WDR44: variants seen among roughly 807,000 people sequenced by gnomAD.
The protein encoded by WDR44 is WD repeat domain 44, also known as WD repeat-containing protein 44.
In WDR44, 9 loss-of-function variants were observed where a neutral mutation model predicts 65.7. The ratio of observed to expected loss-of-function variants is 0.14; its 90% CI spans 0.08 to 0.24. The LOEUF is 0.24. WDR44 is among the 10% of genes least tolerant of loss of function. The probability of loss-of-function intolerance (pLI) is 1.00; values close to 1 mark genes in which losing one functional copy is unlikely to be tolerated. For synonymous variants in WDR44, 220 were observed against 235.2 expected (o/e 0.94, Z 0.59); for missense variants, 425 against 670.9 (o/e 0.63, Z 4.05).
intron 1 of WDR44, among the ~76,000 whole-genome samples, chrX:118,365,511 AAAAAAAGAAAAAAG>A (rs200823283): frequency 9.0e-6 from 1 of 110,714 alleles, no homozygotes; most frequent in Non-Finnish European, 1.9e-5. Context: ...TGTCTCCAAA[AAAAAAAGAAAAAAG>A]AAAAAAGAAA....
chrX:118,424,347 A>ATG (rs1283937753), intron 12 of WDR44, among the ~76,000 whole-genome samples: 1 of 86,622 alleles, frequency 1.2e-5, no homozygotes, highest in Non-Finnish European at 2.0e-5. Context: ...ATATATATAT[A>ATG]TGTATATATA....
chrX:118,365,686 T>C (rs1447416175), intron 1 of WDR44, among the ~76,000 whole-genome samples: 2 of 111,480 alleles, frequency 1.8e-5, no homozygotes, highest in African/African-American at 6.5e-5. Flanking sequence ...TAAAACCGGA[T>C]TTTTGTGTGT....
chrX:118,388,819 A>C (rs1460499709), intron 3 of WDR44, among the ~76,000 whole-genome samples: 1 of 111,760 alleles, frequency 8.9e-6, no homozygotes, highest in Non-Finnish European at 1.9e-5. Context: ...TGTAGGTAGA[A>C]TTTTATATTC....
intron 1 of WDR44, among the ~76,000 whole-genome samples, chrX:118,368,712 CTTTTT>C (rs57659623): frequency 0.21 from 14,904 of 70,042 alleles, 1,407 homozygotes; most frequent in African/African-American, 0.39. Context: ...CATACTCTTC[CTTTTT>C]TTTTTTTTTT....
intron 1 of WDR44, among the ~76,000 whole-genome samples, chrX:118,346,903 G>A (rs989077747): frequency 8.9e-6 from 1 of 111,796 alleles, no homozygotes; most frequent in African/African-American, 3.3e-5. Flanking sequence ...TGTATCTGTG[G>A]GGTTCTGAGC....
At chrX:118,416,605 A>G (rs1328013430) in intron 12 of WDR44, among the ~76,000 whole-genome samples, 3 of 111,616 alleles carry the variant, frequency 2.7e-5, no homozygotes, top group Admixed American at 9.6e-5. Context: ...ATGGCCTATC[A>G]TATGGTCTAT....
Position 118,393,283 on chromosome X carries a change from T to C in WDR44, c.826+12T>C, listed in dbSNP as rs1326909995. ...TCCTGATATAGATGGCAAGTATTAA[T>C]TGAGAAATCACTCTGTTGGTTGGGC... On this transcript the variant is annotated intron_variant, in intron 4 of 19. Coordinates refer to ENST00000254029, the MANE Select transcript of WDR44 (RefSeq NM_019045.5). The C allele has an allele frequency of 8.5e-6, 10 of 1,174,268 alleles. No individual in the cohort carries two copies. Among genetic ancestry groups the C allele is most frequent in the South Asian group, 3.8e-5 (2 of 52,480 alleles).
In WDR44 at chrX:118,395,231, A is replaced by C; in HGVS notation, c.958-18A>C. The C allele has an allele frequency of 8.4e-7, 1 of 1,189,029 alleles. No individual in the cohort carries two copies. The highest frequency in any genetic ancestry group is 1.1e-6 in the Non-Finnish European group (1 of 878,155). On this transcript the variant is annotated intron_variant, in intron 5 of 19. Transcript: ENST00000254029. ...AATTGATTCAGTCTAATTTCTGTTT[A>C]TAAAATTATATTTCCAGGAAAATGG...
At chrX:118,438,556 CCAGGTAGCTGGGACTA>C (rs2057274081) in intron 14 of WDR44, among the ~76,000 whole-genome samples, 1 of 110,627 alleles carries the variant, frequency 9.0e-6, no homozygotes, top group East Asian at 2.8e-4. Context: ...CCTCAGCTCC[CCAGGTAGCTGGGACTA>C]CAGGCATGCA....
chrX:118,378,303 C>T (rs2056680430), intron 1 of WDR44, 116 bp from the exon 2 acceptor site: 1 of 616,981 alleles, frequency 1.6e-6, no homozygotes, highest in East Asian at 3.5e-5. Flanking sequence ...CAAGACTTTT[C>T]AGTCACAAAA....
At chrX:118,440,295 C>T (rs2057293984) in intron 14 of WDR44, among the ~76,000 whole-genome samples, 1 of 110,206 alleles carries the variant, frequency 9.1e-6, no homozygotes, top group Non-Finnish European at 1.9e-5. Flanking sequence ...AGCAGCATCC[C>T]TGGTCTCTAC....
chrX:118,350,563 A>AT (rs997393229), intron 1 of WDR44, among the ~76,000 whole-genome samples: 3 of 110,841 alleles, frequency 2.7e-5, no homozygotes, highest in African/African-American at 3.3e-5. Context: ...ATCTTTCGTG[A>AT]TTTTTTTTAA....
intron 2 of WDR44, among the ~76,000 whole-genome samples, chrX:118,378,709 CGTGTGTGTGT>C (rs61698360): frequency 1.1e-5 from 1 of 94,454 alleles, no homozygotes; most frequent in Non-Finnish European, 2.0e-5. Context: ...AATAAAAGAA[CGTGTGTGTGT>C]GTGTGTGTGT....
intron 14 of WDR44, 73 bp downstream of exon 14, chrX:118,436,897 A>G (rs1205664727): frequency 2.2e-5 from 22 of 988,651 alleles, no homozygotes; most frequent in East Asian, 3.3e-5. Flanking sequence ...CTAGAGGGCA[A>G]TTGGACTACA....
intron 9 of WDR44, among the ~76,000 whole-genome samples, chrX:118,405,992 T>G (rs5956971): frequency 0.27 from 28,973 of 108,828 alleles, 3,186 homozygotes; most frequent in African/African-American, 0.39. Context: ...AAAATAAAAA[T>G]TAGCTTTGTG....
intron 6 of WDR44, among the ~76,000 whole-genome samples, chrX:118,396,294 C>T (rs1382750632): frequency 2.7e-5 from 3 of 111,216 alleles, no homozygotes; most frequent in South Asian, 3.7e-4. Flanking sequence ...CCAGCAATTC[C>T]GTTCCTTTGT....
intron 12 of WDR44, among the ~76,000 whole-genome samples, chrX:118,419,664 A>G (rs2057088048): frequency 8.9e-6 from 1 of 111,876 alleles, no homozygotes; most frequent in Non-Finnish European, 1.9e-5. Flanking sequence ...TGCTCTGTCC[A>G]TCTGAGTAGG....
intron 19 of WDR44, among the ~76,000 whole-genome samples, chrX:118,447,736 A>G (rs1355371265): frequency 9.2e-6 from 1 of 108,259 alleles, no homozygotes. Context: ...AAATTAAATA[A>G]TTAGTCGGGC....
At chrX:118,409,385 C>T in intron 10 of WDR44, 104 bp from the exon 11 acceptor site, 2 of 900,177 alleles carry the variant, frequency 2.2e-6, no homozygotes, top group Non-Finnish European at 3.1e-6. Flanking sequence ...CTGCCTCAGC[C>T]TCCCAAAGTG....
Sources: allele counts gnomAD v4.1 joint callset (sites outside exome capture counted in the v4.1 genomes callset), GRCh38; gene constraint gnomAD v4.1.1; transcripts MANE v1.5; gene names NCBI Gene and HGNC (gene_info 2026-07-23, HGNC 2026-07-21).